Variants in CYB561 observed in about 807,000 individuals in gnomAD.
CYB561 encodes transmembrane ascorbate-dependent reductase CYB561.
Under a neutral mutation model 25.3 loss-of-function variants are expected in CYB561, and 11 were observed. The observed-to-expected ratio is 0.44, with a 90% CI of 0.27 to 0.72. The LOEUF (loss-of-function observed/expected upper bound fraction) is 0.72. CYB561 is among the 30% of genes least tolerant of loss of function. The pLI is 0.18. For missense variants in CYB561, 295 were observed against 334.9 expected, an observed-to-expected ratio of 0.88 and a Z score of 0.93; for synonymous variants, 165 against 158.8, an observed-to-expected ratio of 1.04 and a Z score of -0.29.
intron 1 of CYB561, chr17:63,437,784 C>G (rs570472490): frequency 1.1e-5 from 5 of 463,568 alleles, no homozygotes; most frequent in African/African-American, 7.5e-5. Context: ...CGCAACACCC[C>G]CCCCGGGTTG....
In CYB561 at chr17:63,433,676, C is replaced by A. The variant is rs2049259823; in HGVS notation, c.*726G>T. 1.5e-5 allele frequency: 5 copies of A among 342,512 alleles called. No homozygotes were observed. In the East Asian group the frequency reaches 2.2e-4, roughly 15 times the overall value. The allele number at this position is 342,512 out of a possible 1,614,324, so 21.2% of individuals were successfully genotyped here. A position where few individuals can be genotyped will look rare whatever the true frequency, so the allele number is the denominator to read the frequency against. On this transcript the variant is annotated 3_prime_UTR_variant, in exon 6 of 6. Transcript: ENST00000360793. Reference sequence around the variant, plus strand: ...GCTGCAAGGTGCCCCCCATCCCCAACCCCCATGTCTGGAGCAGCCTGGGAG... The same window carrying A: ...GCTGCAAGGTGCCCCCCATCCCCAAACCCCATGTCTGGAGCAGCCTGGGAG...
intron 1 of CYB561, among the ~76,000 whole-genome samples, chr17:63,441,897 C>T (rs972518314): frequency 1.3e-5 from 2 of 152,212 alleles, no homozygotes; most frequent in African/African-American, 4.8e-5. Flanking sequence ...AGCACTGGTG[C>T]GTGCAAGACA....
rs2049231193 is a variant in CYB561 at position 63,432,325 on chromosome 17, A to G, written c.*2077T>C. The G allele has an allele frequency of 6.6e-6, 1 of 152,212 alleles. No individual in the cohort carries two copies. Among genetic ancestry groups the G allele is most frequent in the African/African-American group, 2.4e-5 (1 of 41,446 alleles). 9.4% of individuals were successfully genotyped at this position (152,212 alleles called of 1,614,324 possible). A position where few individuals can be genotyped will look rare whatever the true frequency, so the allele number is the denominator to read the frequency against. ...GAGGTCTGCTGTAGACATTTATTGAATCATCTGTTGCACCAACAGCACATT... is the reference window on the plus strand; with the variant it reads ...GAGGTCTGCTGTAGACATTTATTGAGTCATCTGTTGCACCAACAGCACATT... On this transcript the variant is annotated 3_prime_UTR_variant, in exon 6 of 6. Transcript: ENST00000360793.
At chr17:63,439,720 C>A (rs2049355878) in intron 1 of CYB561, among the ~76,000 whole-genome samples, 1 of 152,096 alleles carries the variant, frequency 6.6e-6, no homozygotes, top group Non-Finnish European at 1.5e-5. Flanking sequence ...TCATTTATTC[C>A]ATTTTCTAAC....
chr17:63,433,625 C>CA lies in CYB561; in HGVS notation c.*776dup, dbSNP rs1366381964. ...GAGCTGAGCCGCAAGGGGGGTGCTA[C>CA]AAGGAGGGAGCCCCAGCAGGAAGGG... On this transcript the variant is annotated 3_prime_UTR_variant, in exon 6 of 6. Transcript: ENST00000360793. 1 of 378,286 alleles carries CA rather than the reference C, an allele frequency of 2.6e-6. No homozygotes were observed. Among genetic ancestry groups the CA allele is most frequent in the Non-Finnish European group, 4.7e-6 (1 of 214,212 alleles). The allele number at this position is 378,286 out of a possible 1,614,324, so 23.4% of individuals were successfully genotyped here.
chr17:63,438,614 G>C (rs1231393867), intron 1 of CYB561, among the ~76,000 whole-genome samples: 3 of 152,176 alleles, frequency 2.0e-5, no homozygotes, highest in Non-Finnish European at 2.9e-5. Context: ...GGGCCCTCAG[G>C]GAGGTTTCCA....
rs548628938 is a variant in CYB561 at position 63,432,882 on chromosome 17, G to A, written c.*1520C>T. 1.0e-4 allele frequency: 16 copies of A among 152,386 alleles called. No homozygotes were observed. The highest frequency in any genetic ancestry group is 3.9e-4 in the African/African-American group (16 of 41,558). 9.4% of individuals were successfully genotyped at this position (152,386 alleles called of 1,614,324 possible). ...GACGGCCTCAGGTAGGAAAAGGGCA[G>A]CCATTACAAGAAGAAGAGTCGTCAG... On this transcript the variant is annotated 3_prime_UTR_variant, in exon 6 of 6. Transcript: ENST00000360793.
At position 63,433,278 on chromosome 17, in the gene CYB561, C is replaced by T. The variant is rs1419235521; in HGVS notation, c.*1124G>A. On this transcript the variant is annotated 3_prime_UTR_variant, in exon 6 of 6. Transcript: ENST00000360793. ...GGTCTTGATCTCCTGGCCTCGCACACGATCAGTGTTCTAATCACACTATTT... is the reference window on the plus strand; with the variant it reads ...GGTCTTGATCTCCTGGCCTCGCACATGATCAGTGTTCTAATCACACTATTT... The T allele has an allele frequency of 2.3e-5, 9 of 397,868 alleles. No individual in the cohort carries two copies. Among genetic ancestry groups the T allele is most frequent in the African/African-American group, 8.3e-5 (4 of 48,396 alleles). 24.6% of individuals were successfully genotyped at this position (397,868 alleles called of 1,614,324 possible).
chr17:63,445,370 G>A (rs2049413109), intron 1 of CYB561, among the ~76,000 whole-genome samples: 1 of 149,022 alleles, frequency 6.7e-6, no homozygotes, highest in Non-Finnish European at 1.5e-5. Flanking sequence ...ACCTAGAGGA[G>A]GTGGCAAAGC....
chr17:63,433,199 A>C lies in CYB561; in HGVS notation c.*1203T>G. The C allele has an allele frequency of 2.6e-6, 1 of 384,456 alleles. No homozygotes were observed. The highest frequency in any genetic ancestry group is 4.6e-6 in the Non-Finnish European group (1 of 217,652). 23.8% of individuals were successfully genotyped at this position (384,456 alleles called of 1,614,324 possible). ...AGGCGCCCACCACCACGCCTGGCTA[A>C]TTTTTTTGTATTTTTAGTAGAGACG... On this transcript the variant is annotated 3_prime_UTR_variant, in exon 6 of 6. Transcript: ENST00000360793.
rs756438417 is a variant in CYB561, at chr17:63,437,584, A to G, written c.-13-24T>C. 3.2e-6 allele frequency: 5 copies of G among 1,585,312 alleles called. No individual in the cohort carries two copies. The African/African-American group carries it at 6.7e-5, about 21-fold the overall frequency. On this transcript the variant is annotated intron_variant, in intron 1 of 5. Coordinates refer to ENST00000360793, the MANE Select transcript of CYB561 (RefSeq NM_001915.4). ...CGCTGCAAGAAAGAGCAGAGCTCAG[A>G]GGAGCAGCGCACAGCACCCCGAGAT...
In CYB561 at chr17:63,433,647, A is replaced by C. The variant is rs2049259325; in HGVS notation, c.*755T>G. On this transcript the variant is annotated 3_prime_UTR_variant, in exon 6 of 6. Coordinates refer to ENST00000360793, the MANE Select transcript of CYB561 (RefSeq NM_001915.4). ...CTACAAGGAGGGAGCCCCAGCAGGAAGGGGCTGCAAGGTGCCCCCCATCCC... is the reference window on the plus strand; with the variant it reads ...CTACAAGGAGGGAGCCCCAGCAGGACGGGGCTGCAAGGTGCCCCCCATCCC... 3 of 364,068 alleles carry C rather than the reference A, an allele frequency of 8.2e-6. No individual in the cohort carries two copies. The highest frequency in any genetic ancestry group is 1.5e-5 in the Non-Finnish European group (3 of 205,344). The allele number at this position is 364,068 out of a possible 1,614,324, so 22.6% of individuals were successfully genotyped here.
At chr17:63,435,039 G>C in intron 5 of CYB561, 47 bp downstream of exon 5, 1 of 1,583,504 alleles carries the variant, frequency 6.3e-7, no homozygotes, top group Non-Finnish European at 8.6e-7. Flanking sequence ...GGTGAGGTCT[G>C]TGCAAGGGTG....
At chr17:63,435,030 GTGAGGTC>G (rs1372113335) in intron 5 of CYB561, 49 bp downstream of exon 5, 1 of 1,540,460 alleles carries the variant, frequency 6.5e-7, no homozygotes, top group Non-Finnish European at 8.8e-7. Flanking sequence ...TGAAGGCAGG[GTGAGGTC>G]TGTGCAAGGG....
chr17:63,438,107 G>A (rs772587120), intron 1 of CYB561: 83 of 1,534,208 alleles, frequency 5.4e-5, no homozygotes, highest in Non-Finnish European at 6.6e-5. Context: ...GCCTCCCCAC[G>A]GGGACAGGCG....
At chr17:63,435,478 G>A in intron 4 of CYB561, 1 of 683,726 alleles carries the variant, frequency 1.5e-6, no homozygotes, top group Admixed American at 2.8e-5. Context: ...GTGGCCAAAA[G>A]TGCTGAGTCA....
intron 1 of CYB561, among the ~76,000 whole-genome samples, chr17:63,443,478 A>T (rs999558940): frequency 2.4e-4 from 36 of 152,210 alleles, no homozygotes; most frequent in African/African-American, 7.7e-4. Flanking sequence ...CAGAGCCTGA[A>T]GTCAAACACT....
chr17:63,438,063 T>C (rs1397212961), intron 1 of CYB561: 1 of 1,432,404 alleles, frequency 7.0e-7, no homozygotes, highest in Admixed American at 2.1e-5. Context: ...GGCAGAGGTC[T>C]CAAGTCTCGG....
intron 3 of CYB561, 90 bp from the exon 4 acceptor site, chr17:63,435,881 T>C (rs1345090668): frequency 6.3e-7 from 1 of 1,580,208 alleles, no homozygotes; most frequent in Non-Finnish European, 8.7e-7. Context: ...GCGGGACTTC[T>C]GGGCTTTAGT....
Sources: allele counts gnomAD v4.1 joint callset (sites outside exome capture counted in the v4.1 genomes callset), GRCh38; gene constraint gnomAD v4.1.1; transcripts MANE v1.5; gene names NCBI Gene and HGNC (gene_info 2026-07-23, HGNC 2026-07-21).